Variants in SLC39A8 observed in about 807,000 individuals in gnomAD.
SLC39A8 encodes metal cation symporter ZIP8.
In SLC39A8, 15 loss-of-function variants were observed where a neutral mutation model predicts 40.4. That is an observed-to-expected ratio of 0.37 (90% confidence interval 0.25 to 0.57). The LOEUF (loss-of-function observed/expected upper bound fraction) is 0.57. Ranked by LOEUF, SLC39A8 falls within the 20% of genes least tolerant of loss-of-function variation. The pLI is 0.75. For missense variants in SLC39A8, 472 were observed against 558.8 expected (o/e 0.84, Z 1.57); for synonymous variants, 223 against 221.6 (o/e 1.01, Z -0.06).
intron 5 of SLC39A8, 71 bp from the exon 6 acceptor site, chr4:102,304,552 T>G: frequency 8.1e-7 from 1 of 1,235,888 alleles, no homozygotes; most frequent in Non-Finnish European, 1.1e-6. Flanking sequence ...GGAAATAGAG[T>G]TTACTGCTTT....
intron 5 of SLC39A8, 141 bp from the exon 6 acceptor site, chr4:102,304,622 A>G (rs1734070979): frequency 9.0e-6 from 6 of 666,316 alleles, no homozygotes; most frequent in African/African-American, 1.9e-5. Context: ...TTTTAGATAT[A>G]TAAAATTTCT....
intron 11 of SLC39A8, among the ~76,000 whole-genome samples, chr4:102,256,027 TAGAA>T (rs1731701730): frequency 2.0e-5 from 3 of 152,148 alleles, no homozygotes; most frequent in Non-Finnish European, 2.9e-5. Flanking sequence ...ATACAAAAAG[TAGAA>T]AGATCCATAT....
chr4:102,340,115 C>T (rs1166903726), intron 2 of SLC39A8, among the ~76,000 whole-genome samples: 1 of 152,118 alleles, frequency 6.6e-6, no homozygotes, highest in Non-Finnish European at 1.5e-5. Flanking sequence ...TGTGAGGACT[C>T]AAATTATCAA....
chr4:102,290,002 CA>C (rs1334945822), intron 6 of SLC39A8, among the ~76,000 whole-genome samples: 1 of 152,166 alleles, frequency 6.6e-6, no homozygotes, highest in African/African-American at 2.4e-5. Flanking sequence ...TGCTGTCAAA[CA>C]GCATGTTCTC....
At chr4:102,304,899 A>T in intron 5 of SLC39A8, 90 bp downstream of exon 5, 1 of 1,188,652 alleles carries the variant, frequency 8.4e-7, no homozygotes, top group Non-Finnish European at 1.2e-6. Context: ...CATTCTCATA[A>T]TTCTAAAAAT....
intron 2 of SLC39A8, chr4:102,324,356 C>T: frequency 5.6e-6 from 1 of 179,890 alleles, no homozygotes; most frequent in South Asian, 7.4e-5. Context: ...GATAGTGCCA[C>T]TACACTCCAG....
chr4:102,262,498 A>G lies in SLC39A8; in HGVS notation c.*546T>C. The G allele has an allele frequency of 1.0e-6, 1 of 985,384 alleles. No homozygotes were observed. Among genetic ancestry groups the G allele is most frequent in the Non-Finnish European group, 1.2e-6 (1 of 829,738 alleles). 61.0% of individuals were successfully genotyped at this position (985,384 alleles called of 1,614,324 possible). On this transcript the variant is annotated 3_prime_UTR_variant, in exon 9 of 9. Transcript: ENST00000356736. Reference sequence around the variant, plus strand: ...TGCAAGTTCCTAATTGAAATACAAAACAGAACAAAAAGCTGTGAGAAATCT... The same window carrying G: ...TGCAAGTTCCTAATTGAAATACAAAGCAGAACAAAAAGCTGTGAGAAATCT...
Position 102,262,017 on chromosome 4 carries a change from A to C in SLC39A8, c.*1027T>G. The C allele has an allele frequency of 1.0e-6, 1 of 985,912 alleles. No individual in the cohort carries two copies. Among genetic ancestry groups the C allele is most frequent in the Non-Finnish European group, 1.2e-6 (1 of 829,864 alleles). The allele number at this position is 985,912 out of a possible 1,614,324, so 61.1% of individuals were successfully genotyped here. A position where few individuals can be genotyped will look rare whatever the true frequency, so the allele number is the denominator to read the frequency against. On this transcript the variant is annotated 3_prime_UTR_variant, in exon 9 of 9. Coordinates refer to ENST00000356736, the MANE Select transcript of SLC39A8 (RefSeq NM_001135146.2). ...TTTTTTCAAGGTATACCATATGGAA[A>C]AGTATAGGCTGAACACAAAGGAAGT... is the stretch of plus-strand genomic sequence containing the variant.
rs1426808299 is a variant in SLC39A8 at position 102,261,809 on chromosome 4, A to G, written c.*1235T>C. On this transcript the variant is annotated 3_prime_UTR_variant, in exon 9 of 9. Coordinates refer to ENST00000356736, the MANE Select transcript of SLC39A8 (RefSeq NM_001135146.2). ...GAAAACATTTTTTGGTCTGTTGGAA[A>G]ATGTAATTCCTGAGATCATTGTTGG... The G allele has an allele frequency of 2.0e-6, 2 of 985,880 alleles. No homozygotes were observed. Among genetic ancestry groups the G allele is most frequent in the African/African-American group, 3.5e-5 (2 of 57,226 alleles). The allele number at this position is 985,880 out of a possible 1,614,324, so 61.1% of individuals were successfully genotyped here. A position where few individuals can be genotyped will look rare whatever the true frequency, so the allele number is the denominator to read the frequency against.
chr4:102,253,439 C>G (rs1301754055), intron 11 of SLC39A8: 1 of 715,354 alleles, frequency 1.4e-6, no homozygotes, highest in African/African-American at 1.8e-5. Context: ...GCCTGACAGA[C>G]AAAGAGAAGG....
chr4:102,257,848 C>A (rs1433376440), downstream of SLC39A8, among the ~76,000 whole-genome samples: 1 of 152,196 alleles, frequency 6.6e-6, no homozygotes, highest in Non-Finnish European at 1.5e-5. Flanking sequence ...ATTCCTTTAG[C>A]ACCCATCCTT....
intron 6 of SLC39A8, among the ~76,000 whole-genome samples, chr4:102,299,891 C>G (rs1174099708): frequency 2.0e-5 from 3 of 152,006 alleles, no homozygotes; most frequent in South Asian, 2.1e-4. Flanking sequence ...CAACATCCAA[C>G]AAACACCAAG....
intron 2 of SLC39A8, among the ~76,000 whole-genome samples, chr4:102,328,456 T>C (rs1166168937): frequency 3.3e-5 from 5 of 152,150 alleles, no homozygotes; most frequent in African/African-American, 1.2e-4. Flanking sequence ...ACCAGCAGAA[T>C]AGAGAGTTCA....
chr4:102,251,661 G>C (rs1315058542), exon 12 of SLC39A8: 1 of 152,262 alleles, frequency 6.6e-6, no homozygotes, highest in Non-Finnish European at 1.5e-5. Context: ...GATGCAGTGA[G>C]AGTCAATCGC....
chr4:102,343,567 T>C (rs981693615), intron 2 of SLC39A8, among the ~76,000 whole-genome samples: 6 of 152,348 alleles, frequency 3.9e-5, no homozygotes, highest in Middle Eastern at 3.4e-3. Flanking sequence ...AACTGAGTTT[T>C]AAAAGACGGA....
downstream of SLC39A8, among the ~76,000 whole-genome samples, chr4:102,257,441 G>T (rs1177932415): frequency 3.3e-5 from 5 of 152,218 alleles, no homozygotes; most frequent in Non-Finnish European, 5.9e-5. Flanking sequence ...CTTAGCCACA[G>T]ATATTGTAAG....
chr4:102,275,281 A>AAAAAACAAAAAC (rs61708966), intron 6 of SLC39A8, among the ~76,000 whole-genome samples: 4 of 149,710 alleles, frequency 2.7e-5, no homozygotes, highest in African/African-American at 5.0e-5. Flanking sequence ...TGGAAAGCAA[A>AAAAAACAAAAAC]AAAAACAAAA....
At chr4:102,304,936 T>C (rs1371039942) in intron 5 of SLC39A8, 53 bp downstream of exon 5, 41 of 1,495,054 alleles carry the variant, frequency 2.7e-5, no homozygotes, top group Non-Finnish European at 3.3e-5. Context: ...TTTGCCTATA[T>C]AAAGTAGCTT....
chr4:102,320,168 CATATATATATATATATATATATGTAT>C (rs1451834994), intron 2 of SLC39A8, among the ~76,000 whole-genome samples: 3 of 101,936 alleles, frequency 2.9e-5, no homozygotes, highest in African/African-American at 7.2e-5. Flanking sequence ...TATATATATA[CATATATATATATATATATATATGTAT>C]ATATATATGT....
Sources: allele counts gnomAD v4.1 joint callset (sites outside exome capture counted in the v4.1 genomes callset), GRCh38; gene constraint gnomAD v4.1.1; transcripts MANE v1.5; gene names NCBI Gene and HGNC (gene_info 2026-07-23, HGNC 2026-07-21).